RUFY4: variants seen among roughly 807,000 people sequenced by gnomAD.
The protein encoded by RUFY4 is RUN and FYVE domain-containing protein 4.
In RUFY4, 73 loss-of-function variants were observed where a neutral mutation model predicts 69.0. That is an observed-to-expected ratio of 1.06 (90% CI 0.88 to 1.29). The LOEUF is 1.29. RUFY4 is among the 50% of genes most tolerant of loss of function. The probability of loss-of-function intolerance (pLI) is 0.00; values close to 1 mark genes in which losing one functional copy is unlikely to be tolerated. For synonymous variants in RUFY4, 287 were observed against 271.8 expected (o/e 1.06, Z -0.55); for missense variants, 770 against 705.6 (o/e 1.09, Z -1.03).
intron 8 of RUFY4, among the ~76,000 whole-genome samples, 184 bp from the exon 11 acceptor site, chr2:218,082,926 G>T (rs1689797953): frequency 9.2e-4 from 3 of 3,278 alleles, no homozygotes; most frequent in Admixed American, 5.1e-3. Flanking sequence ...GTGTATTAGG[G>T]TGTGTGTTGT....
At chr2:218,076,645 G>A in intron 8 of RUFY4, 112 bp downstream of exon 10, 3 of 1,474,700 alleles carry the variant, frequency 2.0e-6, no homozygotes, top group Non-Finnish European at 1.8e-6. Context: ...ACCAGGCCCT[G>A]GACTGGGCAC....
intron 3 of RUFY4, chr2:218,061,121 G>A (rs1251300997): frequency 3.9e-6 from 2 of 512,936 alleles, no homozygotes; most frequent in African/African-American, 1.9e-5. Flanking sequence ...GATGGGCAAT[G>A]TCAGGGAAAA....
At chr2:218,072,346 C>T (rs1311960169) in intron 2 of RUFY4, 28 bp from the exon 5 acceptor site, 2 of 1,536,260 alleles carry the variant, frequency 1.3e-6, no homozygotes, top group Non-Finnish European at 1.7e-6. Flanking sequence ...AGCATTTCTA[C>T]ACTTTCTTTG....
upstream of RUFY4, among the ~76,000 whole-genome samples, chr2:218,066,821 T>C (rs1269730957): frequency 7.2e-5 from 11 of 152,238 alleles, no homozygotes; most frequent in African/African-American, 2.7e-4. Context: ...TTACATTGGA[T>C]TGTCGCGTCT....
chr2:218,089,180 TG>T, intron 9 of RUFY4, 71 bp from the exon 12 acceptor site: 1 of 1,197,874 alleles, frequency 8.3e-7, no homozygotes, highest in Non-Finnish European at 1.2e-6. Context: ...TCTCTCTGTC[TG>T]GGTCTTTTCC....
intron 2 of RUFY4, chr2:218,058,592 C>T (rs1265641280): frequency 6.6e-6 from 1 of 152,162 alleles, no homozygotes; most frequent in African/African-American, 2.4e-5. Context: ...TTCACATTTC[C>T]AGGTCAGTGG....
At chr2:218,084,742 A>G (rs1689851672) in intron 9 of RUFY4, among the ~76,000 whole-genome samples, 1 of 152,098 alleles carries the variant, frequency 6.6e-6, no homozygotes, top group Admixed American at 6.5e-5. Flanking sequence ...GTTAAAGAAA[A>G]CTAGAAAATT....
At chr2:218,042,999 C>A (rs545545632) in intron 2 of RUFY4, among the ~76,000 whole-genome samples, 76 of 152,172 alleles carry the variant, frequency 5.0e-4, no homozygotes, top group Non-Finnish European at 7.9e-4. Flanking sequence ...GCCAGTGGTG[C>A]CTTTGCCCAA....
intron 9 of RUFY4, among the ~76,000 whole-genome samples, chr2:218,084,088 A>G (rs1029381838): frequency 1.3e-5 from 2 of 152,202 alleles, no homozygotes; most frequent in Non-Finnish European, 2.9e-5. Context: ...GAGATGGGGA[A>G]GATGCGGAAA....
exon 8 of RUFY4, chr2:218,076,501 G>T (rs1360046221): frequency 2.6e-6 from 4 of 1,550,920 alleles, no homozygotes; most frequent in South Asian, 1.2e-5. Context: ...AGCAGGAGGG[G>T]GAGCTGCAGG....
intron 2 of RUFY4, among the ~76,000 whole-genome samples, chr2:218,044,686 C>T (rs1486403187): frequency 6.6e-6 from 1 of 152,168 alleles, no homozygotes; most frequent in East Asian, 1.9e-4. Flanking sequence ...TAAGTGAGAA[C>T]ACCAATATTT....
intron 3 of RUFY4, among the ~76,000 whole-genome samples, chr2:218,058,870 A>C (rs1371347867): frequency 6.6e-6 from 1 of 151,994 alleles, no homozygotes; most frequent in Non-Finnish European, 1.5e-5. Context: ...CACCCCTGAC[A>C]CTCCTGACTA....
At chr2:218,060,864 G>T (rs772611053) in intron 3 of RUFY4, 3 of 1,459,124 alleles carry the variant, frequency 2.1e-6, no homozygotes, top group South Asian at 1.1e-5. Context: ...TGGGTAGAAG[G>T]TCCTTCGGAA....
chr2:218,045,200 T>C (rs1316737265), intron 2 of RUFY4, among the ~76,000 whole-genome samples: 1 of 152,206 alleles, frequency 6.6e-6, no homozygotes, highest in African/African-American at 2.4e-5. Context: ...CTAATGATCA[T>C]TGATGTTGAG....
At chr2:218,086,949 A>C (rs1689907436) in intron 9 of RUFY4, among the ~76,000 whole-genome samples, 2 of 152,232 alleles carry the variant, frequency 1.3e-5, no homozygotes, top group Admixed American at 6.5e-5. Flanking sequence ...CAAGGAAAAA[A>C]GAAAGGCAAT....
chr2:218,072,820 C>T (rs1489995612), exon 4 of RUFY4: 8 of 1,536,132 alleles, frequency 5.2e-6, no homozygotes, highest in African/African-American at 2.7e-5. Flanking sequence ...TCATCCGCTT[C>T]TGCCTGGCCC....
At chr2:218,054,698 A>C (rs1001705074) in intron 2 of RUFY4, among the ~76,000 whole-genome samples, 1 of 152,230 alleles carries the variant, frequency 6.6e-6, no homozygotes, top group African/African-American at 2.4e-5. Context: ...ACTGATACAA[A>C]TTATGATTTT....
At chr2:218,040,821 G>A (rs73082327) in intron 2 of RUFY4, among the ~76,000 whole-genome samples, 11,007 of 152,060 alleles carry the variant, frequency 0.072, 1,298 homozygotes, top group African/African-American at 0.25. Flanking sequence ...AAAGGTGGAC[G>A]ACTCTGTCCC....
intron 9 of RUFY4, among the ~76,000 whole-genome samples, chr2:218,083,714 C>T (rs1574518256): frequency 6.6e-6 from 1 of 151,798 alleles, no homozygotes; most frequent in East Asian, 1.9e-4. Flanking sequence ...CACCACTGCA[C>T]TCCAGCCTGG....
Sources: allele counts gnomAD v4.1 joint callset (sites outside exome capture counted in the v4.1 genomes callset), GRCh38; gene constraint gnomAD v4.1.1; transcripts MANE v1.5; gene names NCBI Gene and HGNC (gene_info 2026-07-23, HGNC 2026-07-21).